LARP4B: variants seen among roughly 807,000 people sequenced by gnomAD.
LARP4B encodes la-related protein 4B.
In LARP4B, 12 loss-of-function variants were observed where a neutral mutation model predicts 89.8. The ratio of observed to expected loss-of-function variants is 0.13; its 90% confidence interval spans 0.09 to 0.22. LARP4B has a LOEUF of 0.22. LARP4B is among the 10% of genes least tolerant of loss of function. The probability of loss-of-function intolerance (pLI) is 1.00; values close to 1 mark genes in which losing one functional copy is unlikely to be tolerated. For missense variants in LARP4B, 757 were observed against 947.7 expected (o/e 0.80, Z 2.64); for synonymous variants, 367 against 363.3 (o/e 1.01, Z -0.12).
chr10:959,176 T>A, the LARP4B span, among the ~76,000 whole-genome samples: 1 of 152,138 alleles, frequency 6.6e-6, no homozygotes, highest in African/African-American at 2.4e-5. Flanking sequence ...TCAGAGAAGT[T>A]TGGAAAATTT....
At chr10:927,895 G>C (rs1374683823) in intron 1 of LARP4B, among the ~76,000 whole-genome samples, 1 of 152,190 alleles carries the variant, frequency 6.6e-6, no homozygotes, top group African/African-American at 2.4e-5. Context: ...AGTACTGTAT[G>C]CATGATAAAA....
intron 3 of LARP4B, among the ~76,000 whole-genome samples, chr10:878,563 G>A (rs1195802598): frequency 6.6e-6 from 1 of 152,194 alleles, no homozygotes; most frequent in Non-Finnish European, 1.5e-5. Flanking sequence ...TTCAGGATCT[G>A]GCAGTGGATT....
chr10:829,864 T>C (rs796772811), intron 9 of LARP4B, 130 bp from the exon 10 acceptor site: 10 of 668,138 alleles, frequency 1.5e-5, no homozygotes, highest in African/African-American at 1.5e-4. Context: ...AGAATAATGA[T>C]TCTTGACACT....
chr10:986,746 C>T, the LARP4B span: 1 of 152,190 alleles, frequency 6.6e-6, no homozygotes, highest in Non-Finnish European at 1.5e-5. Flanking sequence ...TGAGACCAGC[C>T]TGGCTAATAT....
At chr10:819,093 G>C (rs532498603) in intron 14 of LARP4B, 5 of 152,208 alleles carry the variant, frequency 3.3e-5, no homozygotes, top group Non-Finnish European at 5.9e-5. Flanking sequence ...TATGCTCTCT[G>C]TAACCTAGTA....
the LARP4B span, among the ~76,000 whole-genome samples, chr10:964,144 G>A: frequency 1.3e-5 from 2 of 152,156 alleles, no homozygotes; most frequent in African/African-American, 4.8e-5. Context: ...TCTGCTCACT[G>A]TAATCTCTGC....
intron 3 of LARP4B, chr10:872,969 C>T (rs1835300054): frequency 3.2e-6 from 3 of 950,468 alleles, no homozygotes; most frequent in Non-Finnish European, 3.8e-6. Flanking sequence ...GCCAGCTACA[C>T]TGCTGGCTCC....
chr10:829,766 C>G (rs762045404), intron 9 of LARP4B, 32 bp from the exon 10 acceptor site: 13 of 1,522,548 alleles, frequency 8.5e-6, no homozygotes, highest in Non-Finnish European at 1.0e-5. Flanking sequence ...AAATTCCATT[C>G]GATTAACCTT....
At chr10:897,539 T>G (rs964586616) in intron 1 of LARP4B, among the ~76,000 whole-genome samples, 4 of 151,998 alleles carry the variant, frequency 2.6e-5, no homozygotes, top group Non-Finnish European at 2.9e-5. Context: ...AACGAAAAAC[T>G]TTTGCCCCTC....
the LARP4B span, chr10:972,424 A>C: frequency 6.9e-6 from 3 of 432,434 alleles, no homozygotes; most frequent in Non-Finnish European, 1.4e-5. Flanking sequence ...AACATGAGCC[A>C]AAAAAACTTC....
chr10:950,442 A>G, the LARP4B span, among the ~76,000 whole-genome samples: 1 of 152,216 alleles, frequency 6.6e-6, no homozygotes, highest in South Asian at 2.1e-4. Context: ...GATTGAGTCC[A>G]TCACTTTATT....
At chr10:906,665 G>A (rs1836501761) in intron 1 of LARP4B, among the ~76,000 whole-genome samples, 1 of 152,200 alleles carries the variant, frequency 6.6e-6, no homozygotes, top group African/African-American at 2.4e-5. Context: ...AATTATCTAA[G>A]TGAATGCCCA....
intron 1 of LARP4B, among the ~76,000 whole-genome samples, chr10:918,402 G>A (rs998440795): frequency 6.6e-6 from 1 of 152,120 alleles, no homozygotes; most frequent in African/African-American, 2.4e-5. Flanking sequence ...GAAGGCCAAG[G>A]CAGGAGGATT....
At chr10:815,966 C>A (rs1256684860) in intron 15 of LARP4B, among the ~76,000 whole-genome samples, 1 of 152,226 alleles carries the variant, frequency 6.6e-6, no homozygotes, top group African/African-American at 2.4e-5. Flanking sequence ...CGGTGGCTCA[C>A]GCCTATAATC....
intron 3 of LARP4B, among the ~76,000 whole-genome samples, chr10:876,355 A>G (rs1835451947): frequency 6.6e-6 from 1 of 152,178 alleles, no homozygotes; most frequent in African/African-American, 2.4e-5. Context: ...ATCGCACTCC[A>G]GCCTGGGCAA....
chr10:947,273 C>G, the LARP4B span, among the ~76,000 whole-genome samples: 1 of 152,184 alleles, frequency 6.6e-6, no homozygotes. Flanking sequence ...TTCTTGCCAA[C>G]AAACAAACAG....
upstream of LARP4B, among the ~76,000 whole-genome samples, chr10:935,245 C>T (rs1012481110): frequency 6.6e-6 from 1 of 152,174 alleles, no homozygotes; most frequent in Non-Finnish European, 1.5e-5. Context: ...ATAGTGTGGA[C>T]AGTCCTATAC....
Position 871,921 on chromosome 10 carries a change from C to T in LARP4B, c.142-7651G>A, listed in dbSNP as rs78343914. Among the ~76,000 whole-genome samples the T allele has an allele frequency of 2.4e-4, 37 of 152,256 alleles. No homozygotes were observed. In the East Asian group the frequency reaches 5.4e-3, roughly 22 times the overall value. ...GGTCGACAACAACTGTTACCACCTC[C>T]GGGTCATCACTCCCTGCAACACATG... On this transcript the variant is annotated intron_variant, in intron 3 of 17. Coordinates refer to ENST00000316157, the MANE Select transcript of LARP4B (RefSeq NM_015155.3).
At chr10:868,378 T>TAAAAAAAAAAAA (rs35215345) in intron 3 of LARP4B, among the ~76,000 whole-genome samples, 1 of 123,462 alleles carries the variant, frequency 8.1e-6, no homozygotes, top group Non-Finnish European at 1.7e-5. Context: ...AAGATTTGCT[T>TAAAAAAAAAAAA]AAAAAAAAAA....
Sources: gnomAD v4.1 joint callset for allele counts (sites outside exome capture counted in the v4.1 genomes callset) on GRCh38, gnomAD v4.1.1 for gene constraint, MANE v1.5 for transcripts, NCBI Gene and HGNC (gene_info 2026-07-23, HGNC 2026-07-21) for gene names.